ADK: variants seen among roughly 807,000 people sequenced by gnomAD.
The protein encoded by ADK is N6,N6-dimethyladenosine kinase.
A neutral mutation model predicts 44.7 loss-of-function variants in ADK; 24 were observed. The observed-to-expected ratio is 0.54, with a 90% CI of 0.39 to 0.76. The LOEUF is 0.76. ADK is among the 30% of genes least tolerant of loss of function. The probability of loss-of-function intolerance (pLI) is 0.00; values close to 1 mark genes in which losing one functional copy is unlikely to be tolerated. For missense variants in ADK, 321 were observed against 425.1 expected, an observed-to-expected ratio of 0.76 and a Z score of 2.15; for synonymous variants, 128 against 142.6, an observed-to-expected ratio of 0.90 and a Z score of 0.73.
intron 9 of ADK, chr10:74,661,170 C>A (rs1564841011): frequency 4.6e-6 from 1 of 217,348 alleles, no homozygotes; most frequent in Non-Finnish European, 7.8e-6. Context: ...GAGAATTTAT[C>A]AACTTAATTT....
At chr10:74,186,900 G>C (rs1591823704) in intron 1 of ADK, among the ~76,000 whole-genome samples, 1 of 152,282 alleles carries the variant, frequency 6.6e-6, no homozygotes, top group African/African-American at 2.4e-5. Flanking sequence ...TGGTTACTAT[G>C]AGTAAAGTTG....
chr10:74,545,764 CAAT>C (rs906033321), intron 7 of ADK, among the ~76,000 whole-genome samples: 8 of 152,084 alleles, frequency 5.3e-5, no homozygotes, highest in Non-Finnish European at 7.4e-5. Context: ...TTCTGAGAGG[CAAT>C]ATATGTTTTC....
chr10:74,424,229 T>TA (rs1844694642), intron 6 of ADK, among the ~76,000 whole-genome samples: 1 of 152,026 alleles, frequency 6.6e-6, no homozygotes. Flanking sequence ...TATATGTACT[T>TA]AAACACTTGT....
intron 10 of ADK, among the ~76,000 whole-genome samples, chr10:74,673,305 C>A (rs1855250865): frequency 6.6e-6 from 1 of 152,216 alleles, no homozygotes; most frequent in Non-Finnish European, 1.5e-5. Context: ...TTAGCATGGG[C>A]TCCAAATAAG....
At chr10:74,424,751 T>C (rs1282440402) in intron 6 of ADK, among the ~76,000 whole-genome samples, 1 of 152,114 alleles carries the variant, frequency 6.6e-6, no homozygotes, top group Non-Finnish European at 1.5e-5. Context: ...TTTCTTCAGA[T>C]CTATCTTCCG....
intron 4 of ADK, among the ~76,000 whole-genome samples, chr10:74,331,903 A>T (rs1841230978): frequency 6.6e-6 from 1 of 152,106 alleles, no homozygotes; most frequent in Non-Finnish European, 1.5e-5. Flanking sequence ...CCCAGGCTGA[A>T]GCTCAGTGTT....
chr10:74,262,328 A>C (rs1349419452), intron 3 of ADK, among the ~76,000 whole-genome samples: 2 of 151,830 alleles, frequency 1.3e-5, no homozygotes, highest in African/African-American at 2.4e-5. Flanking sequence ...AAAAAAAAAA[A>C]AACAAAAAAA....
chr10:74,167,601 T>C (rs1239636947), intron 1 of ADK, among the ~76,000 whole-genome samples: 1 of 152,196 alleles, frequency 6.6e-6, no homozygotes, highest in African/African-American at 2.4e-5. Context: ...TTTCTTCAGC[T>C]GGGTAGTTGG....
intron 1 of ADK, among the ~76,000 whole-genome samples, chr10:74,196,703 A>G (rs757086449): frequency 3.0e-4 from 45 of 152,330 alleles, no homozygotes; most frequent in Non-Finnish European, 5.6e-4. Context: ...GGAAATAAAC[A>G]AAACTACCGA....
intron 7 of ADK, among the ~76,000 whole-genome samples, chr10:74,555,747 G>A (rs1158400628): frequency 1.3e-5 from 2 of 152,178 alleles, no homozygotes; most frequent in Non-Finnish European, 2.9e-5. Context: ...TGTCTTGGGA[G>A]TATCCTGTTT....
intron 3 of ADK, among the ~76,000 whole-genome samples, chr10:74,248,375 T>G (rs1380930526): frequency 6.6e-6 from 1 of 152,140 alleles, no homozygotes; most frequent in Non-Finnish European, 1.5e-5. Context: ...TTGCTTTTTT[T>G]TTTGAGGTGG....
chr10:74,199,952 A>G (rs1466727012), intron 1 of ADK, among the ~76,000 whole-genome samples: 3 of 151,656 alleles, frequency 2.0e-5, no homozygotes, highest in Non-Finnish European at 4.4e-5. Context: ...TGCTGGGATT[A>G]CAGGTGTGAA....
intron 3 of ADK, among the ~76,000 whole-genome samples, chr10:74,231,705 A>T (rs1283340275): frequency 1.4e-5 from 2 of 142,878 alleles, no homozygotes; most frequent in African/African-American, 5.2e-5. Flanking sequence ...GGCTCAAGTG[A>T]TATGTCTGCC....
At chr10:74,429,093 T>A (rs1017779422) in intron 6 of ADK, among the ~76,000 whole-genome samples, 4 of 152,246 alleles carry the variant, frequency 2.6e-5, no homozygotes, top group Non-Finnish European at 5.9e-5. Flanking sequence ...TTTGGAACTT[T>A]TTGTACATTG....
At chr10:74,655,783 A>G (rs1437109319) in intron 9 of ADK, 1 of 499,766 alleles carries the variant, frequency 2.0e-6, no homozygotes, top group African/African-American at 2.0e-5. Context: ...CCACCTATCC[A>G]GGACATCAAG....
At chr10:74,603,565 A>G (rs1220760976) in intron 9 of ADK, among the ~76,000 whole-genome samples, 1 of 152,152 alleles carries the variant, frequency 6.6e-6, no homozygotes, top group Non-Finnish European at 1.5e-5. Context: ...AGCTTCATCC[A>G]TGTCCCTGCA....
chr10:74,686,790 C>T (rs889442906), intron 10 of ADK, among the ~76,000 whole-genome samples: 1 of 152,124 alleles, frequency 6.6e-6, no homozygotes, highest in Non-Finnish European at 1.5e-5. Context: ...GATTACCCTG[C>T]CTCAGCCTCC....
intron 2 of ADK, among the ~76,000 whole-genome samples, chr10:74,215,616 C>T (rs112397960): frequency 0.018 from 2,769 of 151,790 alleles, 43 homozygotes; most frequent in Middle Eastern, 0.027. Context: ...TGAGCCACTG[C>T]GCCCAGCTAA....
At chr10:74,214,661 G>A (rs1843947496) in intron 2 of ADK, among the ~76,000 whole-genome samples, 1 of 152,148 alleles carries the variant, frequency 6.6e-6, no homozygotes, top group African/African-American at 2.4e-5. Flanking sequence ...CTTCAGAGGA[G>A]GAGCACATTT....
Sources: gnomAD v4.1 joint callset for allele counts (sites outside exome capture counted in the v4.1 genomes callset) on GRCh38, gnomAD v4.1.1 for gene constraint, MANE v1.5 for transcripts, NCBI Gene and HGNC (gene_info 2026-07-23, HGNC 2026-07-21) for gene names.